The following RNF185 variants were observed in gnomAD, a reference collection of about 807,000 sequenced individuals.
The protein encoded by RNF185 is E3 ubiquitin-protein ligase RNF185.
In RNF185, 13 loss-of-function variants were observed where a neutral mutation model predicts 24.9. That is an observed-to-expected ratio of 0.52 (90% confidence interval 0.34 to 0.83). The LOEUF is 0.83. Among genes scored for constraint, RNF185 ranks in the 40% least tolerant of loss-of-function variants. The pLI, the probability that RNF185 is intolerant of heterozygous loss-of-function variation, is 0.01. For missense variants in RNF185, 184 were observed against 244.7 expected, an observed-to-expected ratio of 0.75 and a Z score of 1.65; for synonymous variants, 79 against 90.3, an observed-to-expected ratio of 0.88 and a Z score of 0.71.
chr22:31,199,857 A>C (rs918039453), intron 5 of RNF185, among the ~76,000 whole-genome samples: 4 of 152,212 alleles, frequency 2.6e-5, no homozygotes, highest in African/African-American at 9.6e-5. Flanking sequence ...TTGGAACTAG[A>C]TGCCAGGCTG....
chr22:31,168,606 G>T (rs1008591150), intron 1 of RNF185, among the ~76,000 whole-genome samples: 1 of 152,120 alleles, frequency 6.6e-6, no homozygotes, highest in Admixed American at 6.6e-5. Context: ...GGATCATATG[G>T]TAGTTCAGTT....
chr22:31,174,578 A>G (rs1171372708), intron 1 of RNF185, among the ~76,000 whole-genome samples: 1 of 151,978 alleles, frequency 6.6e-6, no homozygotes, highest in Non-Finnish European at 1.5e-5. Context: ...GAGTCTCACT[A>G]TATTGTTCAG....
chr22:31,170,182 GTTTT>G lies in RNF185; in HGVS notation c.-49+9888_-49+9891del, dbSNP rs762800753. Among the ~76,000 whole-genome samples the G allele has an allele frequency of 4.0e-4, 60 of 149,792 alleles. 1 individual carries two copies. The highest frequency in any genetic ancestry group is 2.3e-3 in the Admixed American group (34 of 15,026). On this transcript the variant is annotated intron_variant, in intron 1 of 6. Coordinates refer to ENST00000326132, the MANE Select transcript of RNF185 (RefSeq NM_152267.4). ...TGATGTAACAGTGATGTGGTTTTTT[GTTTT>G]TTTTTTTTGTTTGTTTGTTTGAGAC...
At chr22:31,194,045 A>G (rs1601370726) in intron 3 of RNF185, among the ~76,000 whole-genome samples, 1 of 151,368 alleles carries the variant, frequency 6.6e-6, no homozygotes, top group East Asian at 2.0e-4. Context: ...GGTGCACACC[A>G]CCACACCCGG....
intron 1 of RNF185, among the ~76,000 whole-genome samples, chr22:31,185,991 T>C (rs971763149): frequency 3.3e-5 from 5 of 152,156 alleles, no homozygotes; most frequent in African/African-American, 1.2e-4. Flanking sequence ...CAGATCAAGA[T>C]TGTCCAAAAC....
chr22:31,169,303 A>AT (rs768069683), intron 1 of RNF185, among the ~76,000 whole-genome samples: 36 of 152,026 alleles, frequency 2.4e-4, no homozygotes, highest in Non-Finnish European at 4.1e-4. Flanking sequence ...ATTTGCAAAT[A>AT]TTTTCTCCCA....
At chr22:31,165,430 G>A (rs557058188) in intron 1 of RNF185, among the ~76,000 whole-genome samples, 2 of 152,230 alleles carry the variant, frequency 1.3e-5, no homozygotes, top group Admixed American at 1.3e-4. Context: ...TAGATCTTTT[G>A]CTCATTTTGT....
chr22:31,191,083 AAATTGCCT>A (rs1602839336), intron 2 of RNF185, among the ~76,000 whole-genome samples: 1 of 152,220 alleles, frequency 6.6e-6, no homozygotes, highest in East Asian at 1.9e-4. Flanking sequence ...CACAATGATG[AAATTGCCT>A]AATGACACAT....
At chr22:31,182,460 G>GT (rs2147940194) in intron 1 of RNF185, among the ~76,000 whole-genome samples, 1 of 151,932 alleles carries the variant, frequency 6.6e-6, no homozygotes, top group South Asian at 2.1e-4. Context: ...GCTAATTTTT[G>GT]TTTTGTTTTA....
rs561542541 is a variant in RNF185, at chr22:31,167,366, G to A, written c.-49+7063G>A. Among the ~76,000 whole-genome samples, 3 of 151,974 alleles carry A rather than the reference G, an allele frequency of 2.0e-5. No individual in the cohort carries two copies. In the South Asian group the frequency reaches 6.2e-4, roughly 32 times the overall value. ...TTATTTTTAAATGTACAATTCAGTGGCATTAAGTAAATTCACAATGTTGTA... is the reference window on the plus strand; with the variant it reads ...TTATTTTTAAATGTACAATTCAGTGACATTAAGTAAATTCACAATGTTGTA... On this transcript the variant is annotated intron_variant, in intron 1 of 6. Coordinates refer to ENST00000326132, the MANE Select transcript of RNF185 (RefSeq NM_152267.4).
At chr22:31,167,228 T>C (rs912184424) in intron 1 of RNF185, among the ~76,000 whole-genome samples, 19 of 152,132 alleles carry the variant, frequency 1.2e-4, no homozygotes, top group Admixed American at 3.9e-4. Flanking sequence ...TAGGCTGAAG[T>C]GTAGTGGCAA....
At chr22:31,165,433 C>G (rs576880092) in intron 1 of RNF185, among the ~76,000 whole-genome samples, 1 of 152,104 alleles carries the variant, frequency 6.6e-6, no homozygotes, top group East Asian at 1.9e-4. Flanking sequence ...ATCTTTTGCT[C>G]ATTTTGTAAT....
rs143173524 is a variant in RNF185, at chr22:31,196,975, G to A, written c.348G>A (p.Glu116=). Residue 116 remains glutamate (E), a synonymous_variant, in exon 5 of 7, where the codon GAG becomes GAA. Coordinates refer to ENST00000326132, the MANE Select transcript of RNF185 (RefSeq NM_152267.4). ...TPPRPQGQRP[E]PENRGGFQGF... is the part of the protein sequence containing the mutation. ...CTCGTCCTCAAGGACAGAGGCCAGAGCCGGAGAATAGAGGGGTGAGGAACA... is the reference window on the plus strand; with the variant it reads ...CTCGTCCTCAAGGACAGAGGCCAGAACCGGAGAATAGAGGGGTGAGGAACA... 43 of 1,613,670 alleles carry A rather than the reference G, an allele frequency of 2.7e-5. No homozygotes were observed. The East Asian group carries it at 9.6e-4, about 36-fold the overall frequency.
intron 1 of RNF185, among the ~76,000 whole-genome samples, chr22:31,174,830 G>A (rs772360999): frequency 5.3e-5 from 8 of 152,062 alleles, no homozygotes; most frequent in Non-Finnish European, 1.0e-4. Context: ...AGCACTTTGG[G>A]AGGCCGAGGT....
At chr22:31,173,456 A>C (rs912310649) in intron 1 of RNF185, among the ~76,000 whole-genome samples, 3 of 108,550 alleles carry the variant, frequency 2.8e-5, no homozygotes, top group Admixed American at 8.9e-5. Flanking sequence ...TGTATATATC[A>C]GGTGCTCCTG....
chr22:31,200,062 TTAAG>T (rs1206899107), intron 5 of RNF185, among the ~76,000 whole-genome samples: 1 of 152,112 alleles, frequency 6.6e-6, no homozygotes. Context: ...CGCACAGTAA[TTAAG>T]AGCATGAAGG....
chr22:31,175,028 G>T (rs1245273569), intron 1 of RNF185, among the ~76,000 whole-genome samples: 4 of 147,580 alleles, frequency 2.7e-5, no homozygotes, highest in Admixed American at 2.7e-4. Flanking sequence ...AGCCGAGATC[G>T]CGCCGTTGCA....
At chr22:31,179,714 T>C (rs929074912) in intron 1 of RNF185, among the ~76,000 whole-genome samples, 2 of 152,200 alleles carry the variant, frequency 1.3e-5, no homozygotes, top group African/African-American at 4.8e-5. Flanking sequence ...AGCTGACCTG[T>C]TACTGTCCCT....
At chr22:31,162,957 G>T (rs1923673994) in intron 1 of RNF185, among the ~76,000 whole-genome samples, 1 of 151,866 alleles carries the variant, frequency 6.6e-6, no homozygotes, top group African/African-American at 2.4e-5. Context: ...GTAGAGGTAG[G>T]GTTTCACTGT....
Sources: allele counts gnomAD v4.1 joint callset (sites outside exome capture counted in the v4.1 genomes callset), GRCh38; gene constraint gnomAD v4.1.1; transcripts MANE v1.5; gene names NCBI Gene and HGNC (gene_info 2026-07-23, HGNC 2026-07-21).